LYPLAL1: variants seen among roughly 807,000 people sequenced by gnomAD.
The protein encoded by LYPLAL1 is lysophospholipase like 1, also known as lysophospholipase-like protein 1.
Under a neutral mutation model 19.7 loss-of-function variants are expected in LYPLAL1, and 23 were observed. That is an observed-to-expected ratio of 1.17 (90% CI 0.84 to 1.65). LYPLAL1 has a LOEUF of 1.65. LYPLAL1 is among the 40% of genes most tolerant of loss of function. LYPLAL1 has a pLI of 0.00. For synonymous variants in LYPLAL1, 119 were observed against 96.3 expected, an observed-to-expected ratio of 1.24 and a Z score of -1.38; for missense variants, 355 against 279.4, an observed-to-expected ratio of 1.27 and a Z score of -1.93.
intron 2 of LYPLAL1, among the ~76,000 whole-genome samples, chr1:219,181,484 C>T (rs1354659179): frequency 1.3e-5 from 2 of 152,128 alleles, no homozygotes; most frequent in Non-Finnish European, 1.5e-5. Context: ...TAGAAGATTT[C>T]CAACACATTA....
chr1:219,430,937 G>A, the LYPLAL1 span, among the ~76,000 whole-genome samples: 400 of 151,746 alleles, frequency 2.6e-3, no homozygotes, highest in Middle Eastern at 6.8e-3. Context: ...TTGGCCTCCC[G>A]AAGTGTGGGG....
chr1:219,425,513 T>C, the LYPLAL1 span, among the ~76,000 whole-genome samples: 4 of 152,234 alleles, frequency 2.6e-5, no homozygotes, highest in Non-Finnish European at 5.9e-5. Flanking sequence ...TGTGTGATTG[T>C]TAGTGTAACA....
chr1:219,304,721 G>T, the LYPLAL1 span, among the ~76,000 whole-genome samples: 1 of 152,330 alleles, frequency 6.6e-6, no homozygotes, highest in South Asian at 2.1e-4. Context: ...AATGGTGGCT[G>T]TGGAGGGTAG....
chr1:219,368,859 T>G, the LYPLAL1 span, among the ~76,000 whole-genome samples: 1 of 152,230 alleles, frequency 6.6e-6, no homozygotes, highest in African/African-American at 2.4e-5. Context: ...AGAGTTTGGG[T>G]AGCAGTAACT....
rs17049124 is a variant in LYPLAL1 at position 219,178,684 on chromosome 1, A to G, written c.92-463A>G. ...AAGTTAAAATAAAATTACACTGAACACACATTTTGGACTTTTTTTAACCAA... is the reference window on the plus strand; with the variant it reads ...AAGTTAAAATAAAATTACACTGAACGCACATTTTGGACTTTTTTTAACCAA... On this transcript the variant is annotated intron_variant, in intron 1 of 4. Coordinates refer to ENST00000366928, the MANE Select transcript of LYPLAL1 (RefSeq NM_138794.5). 9.8e-4 allele frequency among the ~76,000 whole-genome samples: 149 copies of G among 152,284 alleles called. 1 individual carries two copies. In the East Asian group the frequency reaches 0.024, roughly 24 times the overall value.
chr1:219,239,157 C>G, the LYPLAL1 span, among the ~76,000 whole-genome samples: 1 of 152,166 alleles, frequency 6.6e-6, no homozygotes, highest in Non-Finnish European at 1.5e-5. Flanking sequence ...TCAGGATTTA[C>G]TTTGTGTCAG....
At chr1:219,397,923 G>T in the LYPLAL1 span, among the ~76,000 whole-genome samples, 1 of 152,180 alleles carries the variant, frequency 6.6e-6, no homozygotes, top group Non-Finnish European at 1.5e-5. Context: ...GAGGTCTGCT[G>T]TTAGTTGGAT....
At chr1:219,410,881 C>T in the LYPLAL1 span, among the ~76,000 whole-genome samples, 1 of 152,226 alleles carries the variant, frequency 6.6e-6, no homozygotes, top group African/African-American at 2.4e-5. Flanking sequence ...CCTTGGCTGC[C>T]TTCCCACGGG....
chr1:219,268,358 T>A, the LYPLAL1 span, among the ~76,000 whole-genome samples: 1 of 152,150 alleles, frequency 6.6e-6, no homozygotes, highest in East Asian at 1.9e-4. Context: ...CTTGCCTGGG[T>A]AAAATCATCA....
the LYPLAL1 span, chr1:219,442,545 T>C: frequency 6.6e-6 from 1 of 152,148 alleles, no homozygotes; most frequent in African/African-American, 2.4e-5. Flanking sequence ...TTCATTCAAG[T>C]CAGTATTTCT....
At position 219,192,933 on chromosome 1, in the gene LYPLAL1, G is replaced by A. The variant is rs569609703; in HGVS notation, c.192-149G>A. ...ATGGGATAGTTAATACAATATACAT[G>A]AGAGTAGTTTTAATATGCATTTAAC... On this transcript the variant is annotated intron_variant, in intron 2 of 4. Coordinates refer to ENST00000366928, the MANE Select transcript of LYPLAL1 (RefSeq NM_138794.5). The A allele has an allele frequency of 1.1e-4, 79 of 720,892 alleles. No individual in the cohort carries two copies. The East Asian group carries it at 1.1e-3, about 10-fold the overall frequency. 44.7% of individuals were successfully genotyped at this position (720,892 alleles called of 1,614,324 possible).
the LYPLAL1 span, among the ~76,000 whole-genome samples, chr1:219,307,229 G>C: frequency 6.6e-6 from 1 of 152,152 alleles, no homozygotes; most frequent in Admixed American, 6.5e-5. Context: ...TGCGTTTCCC[G>C]ACTGTCTTGC....
the LYPLAL1 span, among the ~76,000 whole-genome samples, chr1:219,402,462 C>T: frequency 6.6e-6 from 1 of 151,876 alleles, no homozygotes; most frequent in Admixed American, 6.6e-5. Flanking sequence ...TGCATTTCCC[C>T]CTAAGATAAG....
At chr1:219,241,910 G>A in the LYPLAL1 span, among the ~76,000 whole-genome samples, 370 of 152,292 alleles carry the variant, frequency 2.4e-3, 2 homozygotes, top group South Asian at 0.023. Context: ...GGCTTTTAAA[G>A]TGTGATTACA....
intron 3 of LYPLAL1, among the ~76,000 whole-genome samples, chr1:219,207,036 T>C (rs1365244472): frequency 6.6e-6 from 1 of 152,046 alleles, no homozygotes; most frequent in East Asian, 1.9e-4. Context: ...TGGTAGCCAC[T>C]AGCTACATGT....
chr1:219,217,922 A>C, the LYPLAL1 span, among the ~76,000 whole-genome samples: 1 of 152,006 alleles, frequency 6.6e-6, no homozygotes, highest in South Asian at 2.1e-4. Context: ...GTGTTGGGGG[A>C]ACTGGAATTT....
the LYPLAL1 span, among the ~76,000 whole-genome samples, chr1:219,244,738 GA>G: frequency 6.6e-6 from 1 of 152,040 alleles, no homozygotes; most frequent in South Asian, 2.1e-4. Context: ...CTGAGGTCAG[GA>G]GTCGGAGACC....
chr1:219,431,813 A>C, the LYPLAL1 span, among the ~76,000 whole-genome samples: 1 of 152,236 alleles, frequency 6.6e-6, no homozygotes, highest in Non-Finnish European at 1.5e-5. Context: ...TATAGTGATC[A>C]ATATGGTCAA....
At chr1:219,392,265 G>A in the LYPLAL1 span, among the ~76,000 whole-genome samples, 5 of 152,210 alleles carry the variant, frequency 3.3e-5, no homozygotes, top group African/African-American at 9.7e-5. Flanking sequence ...GATCCTCGAT[G>A]TGCAGGAACT....
Sources: allele counts gnomAD v4.1 joint callset (sites outside exome capture counted in the v4.1 genomes callset), GRCh38; gene constraint gnomAD v4.1.1; transcripts MANE v1.5; gene names NCBI Gene and HGNC (gene_info 2026-07-23, HGNC 2026-07-21).